TNFAIP6: variants seen among roughly 807,000 people sequenced by gnomAD.
The protein encoded by TNFAIP6 is TNF alpha induced protein 6.
Under a neutral mutation model 33.7 loss-of-function variants are expected in TNFAIP6, and 36 were observed. The observed-to-expected ratio is 1.07, with a 90% CI of 0.82 to 1.41. TNFAIP6 has a LOEUF of 1.41. Among genes scored for constraint, TNFAIP6 ranks in the 40% most tolerant of loss-of-function variants. TNFAIP6 has a pLI of 0.00. For missense variants in TNFAIP6, 273 were observed against 331.9 expected (o/e 0.82, Z 1.38); for synonymous variants, 113 against 112.8 (o/e 1.00, Z -0.01).
intron 1 of TNFAIP6, among the ~76,000 whole-genome samples, chr2:151,361,154 C>A (rs897114748): frequency 1.3e-5 from 2 of 152,210 alleles, no homozygotes; most frequent in Non-Finnish European, 2.9e-5. Context: ...CTGCTCACTG[C>A]AACTCTGCCT....
downstream of TNFAIP6, among the ~76,000 whole-genome samples, chr2:151,381,197 C>T (rs1227950364): frequency 1.3e-5 from 2 of 152,028 alleles, no homozygotes; most frequent in Admixed American, 6.6e-5. Context: ...ATTCACCGGG[C>T]GCAGTGGCTC....
chr2:151,375,839 A>G (rs1360320044), intron 5 of TNFAIP6, among the ~76,000 whole-genome samples: 2 of 152,234 alleles, frequency 1.3e-5, no homozygotes, highest in Admixed American at 6.5e-5. Context: ...TTGGCCAAGC[A>G]TGGTAGCTCG....
intron 5 of TNFAIP6, among the ~76,000 whole-genome samples, chr2:151,376,875 T>C (rs1047574839): frequency 2.0e-5 from 3 of 149,396 alleles, no homozygotes; most frequent in Admixed American, 1.3e-4. Context: ...CTTTTTTTTT[T>C]TTTTTTTTTT....
intron 1 of TNFAIP6, among the ~76,000 whole-genome samples, chr2:151,361,481 A>G (rs189865824): frequency 2.6e-5 from 4 of 152,326 alleles, no homozygotes; most frequent in Admixed American, 6.5e-5. Context: ...AATTTTTACA[A>G]AATTTGTTTT....
At chr2:151,366,359 T>G in intron 3 of TNFAIP6, 142 bp downstream of exon 3, 1 of 704,594 alleles carries the variant, frequency 1.4e-6, no homozygotes, top group Non-Finnish European at 2.3e-6. Context: ...ATTCATAAAG[T>G]GCTTATACTA....
Position 151,377,937 on chromosome 2 carries a change from A to T in TNFAIP6, c.665-1427A>T, listed in dbSNP as rs187355980. On this transcript the variant is annotated intron_variant, in intron 5 of 5. Transcript: ENST00000243347. ...TTCTGTGGCTTTGGGCAAGCTACTT[A>T]GTAGTCACTCTGTGCCTCAGTTTCT... Among the ~76,000 whole-genome samples, 491 of 152,316 alleles carry T rather than the reference A, an allele frequency of 3.2e-3. 3 individuals are homozygous for T. Among genetic ancestry groups the T allele is most frequent in the Non-Finnish European group, 5.9e-3 (402 of 68,024 alleles).
At chr2:151,371,554 T>A (rs1460939640) in intron 4 of TNFAIP6, among the ~76,000 whole-genome samples, 1 of 152,046 alleles carries the variant, frequency 6.6e-6, no homozygotes, top group African/African-American at 2.4e-5. Flanking sequence ...TAAGGGAAAA[T>A]ATTTTTTGTT....
downstream of TNFAIP6, among the ~76,000 whole-genome samples, chr2:151,380,750 C>G (rs1685000032): frequency 6.6e-6 from 1 of 152,154 alleles, no homozygotes; most frequent in South Asian, 2.1e-4. Flanking sequence ...GCTATTATCT[C>G]TCTGTGGCTC....
chr2:151,379,299 T>C, intron 5 of TNFAIP6, 65 bp from the exon 6 acceptor site: 1 of 1,434,714 alleles, frequency 7.0e-7, no homozygotes, highest in East Asian at 2.4e-5. Flanking sequence ...TGAAGAGTCT[T>C]TGAATTGTCA....
At chr2:151,363,092 G>A (rs937147481) in intron 1 of TNFAIP6, among the ~76,000 whole-genome samples, 2 of 152,132 alleles carry the variant, frequency 1.3e-5, no homozygotes, top group Non-Finnish European at 2.9e-5. Context: ...GAGGCAGGTG[G>A]ATCACTTGAG....
At chr2:151,377,435 C>T (rs1684933650) in intron 5 of TNFAIP6, among the ~76,000 whole-genome samples, 1 of 152,038 alleles carries the variant, frequency 6.6e-6, no homozygotes, top group African/African-American at 2.4e-5. Flanking sequence ...TCCCAAAGTG[C>T]TAGGATTACA....
Position 151,379,451 on chromosome 2 carries a change from C to G in TNFAIP6, c.752C>G (p.Ser251Cys), listed in dbSNP as rs1337129553. The part of the protein sequence containing the change: ...QIKYVAMDPV[S>C]KSSQGKNTST... Reference sequence around the variant, plus strand: ...AAATATGTTGCAATGGATCCTGTATCCAAATCCAGTCAAGGAAAAAATACA... The same window carrying G: ...AAATATGTTGCAATGGATCCTGTATGCAAATCCAGTCAAGGAAAAAATACA... Residue 251 changes from serine (S) to cysteine (C), a missense_variant, in exon 6 of 6, where the codon TCC becomes TGC. By Grantham distance (112) the Ser-to-Cys change is moderately radical (BLOSUM62 -1). Coordinates refer to ENST00000243347, the MANE Select transcript of TNFAIP6 (RefSeq NM_007115.4). 1 of 1,605,738 alleles carries G rather than the reference C, an allele frequency of 6.2e-7. No homozygotes were observed. Among genetic ancestry groups the G allele is most frequent in the East Asian group, 2.3e-5 (1 of 44,084 alleles).
At chr2:151,380,767 T>G (rs1421626277), downstream of TNFAIP6, among the ~76,000 whole-genome samples, 1 of 152,206 alleles carries the variant, frequency 6.6e-6, no homozygotes, top group Admixed American at 6.5e-5. Context: ...GCTCTTGGTT[T>G]CTTGGAAGGT....
At chr2:151,380,195 T>C (rs1039810106), downstream of TNFAIP6, 1 of 152,180 alleles carries the variant, frequency 6.6e-6, no homozygotes, top group African/African-American at 2.4e-5. Context: ...ATTCATGAGA[T>C]TGATGGTTAT....
Position 151,366,239 on chromosome 2 carries a change from T to C in TNFAIP6, c.394+22T>C, listed in dbSNP as rs759958330. Reference sequence around the variant, plus strand: ...CACGGTGTGTTAAAAATAATAATTTTATGTTTTGCAAAAACAGTTCCATGC... The same window carrying C: ...CACGGTGTGTTAAAAATAATAATTTCATGTTTTGCAAAAACAGTTCCATGC... On this transcript the variant is annotated intron_variant, in intron 3 of 5. Coordinates refer to ENST00000243347, the MANE Select transcript of TNFAIP6 (RefSeq NM_007115.4). 1.4e-5 allele frequency: 23 copies of C among 1,608,888 alleles called. 1 individual carries two copies. In the Admixed American group the frequency reaches 3.9e-4, roughly 27 times the overall value.
Position 151,362,480 on chromosome 2 carries a change from CTTTT to C in TNFAIP6, c.95-1436_95-1433del, listed in dbSNP as rs34640251. ...CAGTTTTTATTTGTCTTACTAAATT[CTTTT>C]TTTTTTTTTTTTTTTTTTTTTTTTT... On this transcript the variant is annotated intron_variant, in intron 1 of 5. Coordinates refer to ENST00000243347, the MANE Select transcript of TNFAIP6 (RefSeq NM_007115.4). Among the ~76,000 whole-genome samples the C allele has an allele frequency of 1.6e-4, 9 of 56,932 alleles. 1 individual carries two copies. Among genetic ancestry groups the C allele is most frequent in the South Asian group, 1.2e-3 (2 of 1,652 alleles). The allele number at this position is 56,932 out of a possible 152,430, so 37.3% of individuals were successfully genotyped here.
chr2:151,358,252 C>T (rs1370717814), intron 1 of TNFAIP6, among the ~76,000 whole-genome samples: 1 of 152,146 alleles, frequency 6.6e-6, no homozygotes, highest in Non-Finnish European at 1.5e-5. Flanking sequence ...TTGACCAAGC[C>T]AGCTTGCAGT....
At chr2:151,357,851 T>G in intron 1 of TNFAIP6, 91 bp downstream of exon 1, 1 of 796,878 alleles carries the variant, frequency 1.3e-6, no homozygotes. Flanking sequence ...TTTTCTATTC[T>G]GTACAAGGCT....
intron 1 of TNFAIP6, among the ~76,000 whole-genome samples, chr2:151,358,827 T>G (rs2152010681): frequency 6.6e-6 from 1 of 152,306 alleles, no homozygotes; most frequent in South Asian, 2.1e-4. Flanking sequence ...TGTGATCCAT[T>G]TGGCCAAGAC....
Sources: gnomAD v4.1 joint callset for allele counts (sites outside exome capture counted in the v4.1 genomes callset) on GRCh38, gnomAD v4.1.1 for gene constraint, MANE v1.5 for transcripts, NCBI Gene and HGNC (gene_info 2026-07-23, HGNC 2026-07-21) for gene names.